RABGAP1L: variants seen among roughly 807,000 people sequenced by gnomAD.
RABGAP1L encodes the protein rab GTPase-activating protein 1-like.
RABGAP1L carries 63 observed loss-of-function variants against 137.7 expected under a neutral mutation model. That is an observed-to-expected ratio of 0.46 (90% CI 0.37 to 0.56). RABGAP1L has a LOEUF of 0.56. RABGAP1L is among the 20% of genes least tolerant of loss of function. The probability of loss-of-function intolerance (pLI) is 0.00; values close to 1 mark genes in which losing one functional copy is unlikely to be tolerated. For missense variants in RABGAP1L, 1,095 were observed against 1,244.0 expected, an observed-to-expected ratio of 0.88 and a Z score of 1.80; for synonymous variants, 431 against 433.7, an observed-to-expected ratio of 0.99 and a Z score of 0.08.
intron 13 of RABGAP1L, among the ~76,000 whole-genome samples, chr1:174,481,398 T>C (rs1659072338): frequency 6.6e-6 from 1 of 152,330 alleles, no homozygotes; most frequent in East Asian, 1.9e-4. Flanking sequence ...GTTTTCCTTT[T>C]CTACTTTCCC....
intron 13 of RABGAP1L, among the ~76,000 whole-genome samples, chr1:174,583,058 A>G (rs78803557): frequency 0.019 from 2,888 of 152,294 alleles, 80 homozygotes; most frequent in African/African-American, 0.066. Context: ...TCCTTTTTCC[A>G]GAGCCTTAAC....
At chr1:174,596,209 C>A (rs1047281044) in intron 13 of RABGAP1L, among the ~76,000 whole-genome samples, 1 of 91,512 alleles carries the variant, frequency 1.1e-5, no homozygotes, top group Non-Finnish European at 1.9e-5. Context: ...CGCCCTGCTT[C>A]GGCTCGCGCA....
intron 13 of RABGAP1L, among the ~76,000 whole-genome samples, chr1:174,517,915 A>T (rs1319132692): frequency 6.6e-6 from 1 of 152,092 alleles, no homozygotes; most frequent in African/African-American, 2.4e-5. Context: ...GTTTCTTTTT[A>T]ATGTTTTTAA....
chr1:174,520,005 A>T (rs1446064310), intron 13 of RABGAP1L, among the ~76,000 whole-genome samples: 1 of 152,194 alleles, frequency 6.6e-6, no homozygotes, highest in African/African-American at 2.4e-5. Context: ...GCTGCTGGCT[A>T]TACAGCATCA....
chr1:174,957,591 TG>T, intron 20 of RABGAP1L, 42 bp downstream of exon 20: 1 of 1,515,010 alleles, frequency 6.6e-7, no homozygotes, highest in East Asian at 2.3e-5. Context: ...CCTTCTTTTT[TG>T]TTTTAAATGA....
At chr1:174,565,030 T>C (rs1667475544) in intron 13 of RABGAP1L, among the ~76,000 whole-genome samples, 1 of 152,218 alleles carries the variant, frequency 6.6e-6, no homozygotes, top group Non-Finnish European at 1.5e-5. Context: ...TAATAATTCT[T>C]TTTAAAAGGA....
intron 18 of RABGAP1L, among the ~76,000 whole-genome samples, chr1:174,791,925 A>G (rs1687888780): frequency 6.6e-6 from 1 of 152,224 alleles, no homozygotes; most frequent in African/African-American, 2.4e-5. Context: ...ACTCAACCTA[A>G]GAATCTTAGA....
chr1:174,548,584 T>C (rs1227801693), intron 13 of RABGAP1L: 3 of 971,638 alleles, frequency 3.1e-6, no homozygotes, highest in Non-Finnish European at 3.7e-6. Context: ...ATGTACTTTT[T>C]TCATACCCAC....
chr1:174,207,639 G>A (rs1668596059), intron 1 of RABGAP1L, among the ~76,000 whole-genome samples: 1 of 152,132 alleles, frequency 6.6e-6, no homozygotes, highest in South Asian at 2.1e-4. Flanking sequence ...GGTTATTAAA[G>A]AAGTATTTAT....
At chr1:174,349,046 G>C (rs1238694275) in intron 11 of RABGAP1L, among the ~76,000 whole-genome samples, 1 of 87,474 alleles carries the variant, frequency 1.1e-5, no homozygotes, top group Admixed American at 1.2e-4. Flanking sequence ...TGGCCGGGCG[G>C]GGGGGGGGCT....
intron 1 of RABGAP1L, among the ~76,000 whole-genome samples, chr1:174,178,059 A>G (rs536225836): frequency 6.6e-6 from 1 of 152,244 alleles, no homozygotes; most frequent in South Asian, 2.1e-4. Flanking sequence ...TGAATCTATA[A>G]ATTACTTTGG....
chr1:174,251,220 C>T (rs1672687222), intron 6 of RABGAP1L, among the ~76,000 whole-genome samples: 1 of 152,040 alleles, frequency 6.6e-6, no homozygotes, highest in Non-Finnish European at 1.5e-5. Context: ...CATTTGGTCT[C>T]TTCCCTTTGT....
In RABGAP1L at chr1:174,402,110, TGTGGGAGACATTATGTCTA is replaced by T. The variant is rs1246988542; in HGVS notation, c.1710+7969_1710+7987del. On this transcript the variant is annotated intron_variant, in intron 13 of 25. Coordinates refer to ENST00000681986, the MANE Select transcript of RABGAP1L (RefSeq NM_001366446.1). ...GCTTCCTGAAGGATTTAATGGGGTA[TGTGGGAGACATTATGTCTA>T]GTGCTTTCATATATCCTTTCCATGT... is the stretch of plus-strand genomic sequence containing the variant. 2.0e-5 allele frequency among the ~76,000 whole-genome samples: 3 copies of T among 152,276 alleles called. No homozygotes were observed. The East Asian group carries it at 5.8e-4, about 29-fold the overall frequency.
At chr1:174,906,375 C>T (rs896529255) in intron 19 of RABGAP1L, among the ~76,000 whole-genome samples, 1 of 152,098 alleles carries the variant, frequency 6.6e-6, no homozygotes, top group African/African-American at 2.4e-5. Flanking sequence ...TGCCTGTAAT[C>T]CCAGCATTTT....
At chr1:174,573,303 A>G (rs1170542428) in intron 13 of RABGAP1L, among the ~76,000 whole-genome samples, 1 of 151,804 alleles carries the variant, frequency 6.6e-6, no homozygotes, top group Non-Finnish European at 1.5e-5. Context: ...GTGTGTATAT[A>G]TATATATAAT....
intron 11 of RABGAP1L, among the ~76,000 whole-genome samples, chr1:174,324,703 G>A (rs1680288417): frequency 6.6e-6 from 1 of 152,162 alleles, no homozygotes; most frequent in East Asian, 1.9e-4. Context: ...TCCAGGAAGA[G>A]AAAGCCCTAG....
intron 14 of RABGAP1L, among the ~76,000 whole-genome samples, chr1:174,680,850 G>C (rs1055180267): frequency 2.0e-5 from 3 of 151,874 alleles, no homozygotes; most frequent in Non-Finnish European, 4.4e-5. Flanking sequence ...TCATGCCACC[G>C]CACACCAGCC....
intron 13 of RABGAP1L, among the ~76,000 whole-genome samples, chr1:174,482,493 T>C (rs1453876912): frequency 6.6e-6 from 1 of 152,208 alleles, no homozygotes; most frequent in East Asian, 1.9e-4. Flanking sequence ...TATTCTTCTT[T>C]CTTTTTGTAT....
At chr1:174,422,292 A>G (rs1651410774) in intron 13 of RABGAP1L, among the ~76,000 whole-genome samples, 1 of 152,114 alleles carries the variant, frequency 6.6e-6, no homozygotes, top group African/African-American at 2.4e-5. Context: ...ACAAACCAGA[A>G]AATCTTCTCT....
Sources: gnomAD v4.1 joint callset for allele counts (sites outside exome capture counted in the v4.1 genomes callset) on GRCh38, gnomAD v4.1.1 for gene constraint, MANE v1.5 for transcripts, NCBI Gene and HGNC (gene_info 2026-07-23, HGNC 2026-07-21) for gene names.